The following PSRC1 variants were observed in gnomAD, a reference collection of about 807,000 sequenced individuals.
The protein encoded by PSRC1 is proline and serine rich coiled-coil 1, also known as proline/serine-rich coiled-coil protein 1.
Under a neutral mutation model 31.9 loss-of-function variants are expected in PSRC1, and 30 were observed. The ratio of observed to expected loss-of-function variants is 0.94; its 90% CI spans 0.70 to 1.28. The LOEUF (loss-of-function observed/expected upper bound fraction) is 1.28, where lower values mean the gene tolerates loss of function less well. Ranked by LOEUF, PSRC1 falls within the 50% of genes most tolerant of loss-of-function variation. The pLI is 0.00. For missense variants in PSRC1, 481 were observed against 472.8 expected (o/e 1.02, Z -0.16); for synonymous variants, 191 against 192.1 (o/e 0.99, Z 0.05).
exon 6 of PSRC1, chr1:109,280,425 G>A: frequency 1.2e-6 from 2 of 1,612,924 alleles, no homozygotes; most frequent in African/African-American, 1.3e-5. Flanking sequence ...CCACTTTCCT[G>A]GGGGGCTGCA....
At chr1:109,280,706 C>T in intron 5 of PSRC1, 71 bp downstream of exon 6, 1 of 1,299,936 alleles carries the variant, frequency 7.7e-7, no homozygotes, top group African/African-American at 1.5e-5. Context: ...CAAAAGTGGT[C>T]ACTGTTGACA....
rs147001903 is a variant in PSRC1, at chr1:109,282,520, G to C, written c.75C>G (p.Asp25Glu). ...AAGTGGGATAAAGAGGCTGGTACCT[G>C]TCAGATGGTGACAGCCCCCCAAAGT... Residue 25 changes from aspartate (D) to glutamate (E), a missense_variant and splice_region_variant, in exon 3 of 7, where the codon GAC (aspartate) becomes GAG (glutamate). Physicochemically the swap from Asp to Glu is conservative, Grantham distance 45 (BLOSUM62 2). Transcript: ENST00000409138. 192 of 1,613,388 alleles carry C rather than the reference G, an allele frequency of 1.2e-4. No individual in the cohort carries two copies. Among genetic ancestry groups the C allele is most frequent in the Middle Eastern group, 1.6e-4 (1 of 6,082 alleles).
At chr1:109,279,893 A>G (rs879532908) in exon 7 of PSRC1, 2 of 552,972 alleles carry the variant, frequency 3.6e-6, no homozygotes, top group East Asian at 2.8e-5. Flanking sequence ...CTCATCTTCT[A>G]TTTGTTCATT....
At chr1:109,281,626 A>G in exon 4 of PSRC1, 2 of 1,610,350 alleles carry the variant, frequency 1.2e-6, no homozygotes, top group Non-Finnish European at 1.7e-6. Context: ...CACCCTCTTC[A>G]TGTTGGAGGG....
intron 4 of PSRC1, 71 bp downstream of exon 4, chr1:109,281,548 G>A: frequency 1.5e-6 from 2 of 1,319,364 alleles, no homozygotes; most frequent in Non-Finnish European, 2.1e-6. Context: ...TTACCAATAA[G>A]GAAACCACTC....
chr1:109,281,705 T>C, exon 4 of PSRC1: 1 of 1,613,348 alleles, frequency 6.2e-7, no homozygotes, highest in Non-Finnish European at 8.5e-7. Context: ...AGTCGAGGCG[T>C]CAGGCTGCTT....
chr1:109,280,607 T>C (rs1656906507), intron 5 of PSRC1, 118 bp from the exon 7 acceptor site: 9 of 982,794 alleles, frequency 9.2e-6, no homozygotes, highest in Non-Finnish European at 1.4e-5. Context: ...CATGAGGTAT[T>C]TGAAAACTAA....
At chr1:109,281,186 C>T (rs374475468) in exon 5 of PSRC1, 46 of 1,613,252 alleles carry the variant, frequency 2.9e-5, no homozygotes, top group Middle Eastern at 1.6e-4. Flanking sequence ...CTGGGGGAGT[C>T]GATCGGGTAA....
intron 2 of PSRC1, 49 bp from the exon 3 acceptor site, chr1:109,282,624 T>A (rs764379491): frequency 1.9e-4 from 310 of 1,606,700 alleles, no homozygotes; most frequent in Non-Finnish European, 2.5e-4. Context: ...CTGATGCAGC[T>A]CTCCATCGCT....
At chr1:109,281,748 A>T (rs779714626) in exon 4 of PSRC1, 2 of 1,614,072 alleles carry the variant, frequency 1.2e-6, no homozygotes, top group Non-Finnish European at 8.5e-7. Flanking sequence ...AAGAGTTCAC[A>T]GTGGGCAGCA....
At chr1:109,282,304 C>T in intron 3 of PSRC1, 1 of 614,830 alleles carries the variant, frequency 1.6e-6, no homozygotes, top group Non-Finnish European at 2.9e-6. Context: ...ATCCACTTAT[C>T]CTTCTTCTTA....
chr1:109,281,738 A>G (rs1207467830), exon 4 of PSRC1: 1 of 1,614,008 alleles, frequency 6.2e-7, no homozygotes, highest in Non-Finnish European at 8.5e-7. Context: ...CTCCGCGTCA[A>G]AGAGTTCACA....
exon 5 of PSRC1, chr1:109,280,922 G>A (rs1347103217): frequency 1.9e-6 from 3 of 1,614,052 alleles, no homozygotes; most frequent in Admixed American, 3.3e-5. Flanking sequence ...CAGGCCTGGG[G>A]ATGGCCGAGG....
intron 3 of PSRC1, chr1:109,282,307 T>C: frequency 1.6e-6 from 1 of 615,172 alleles, no homozygotes; most frequent in Non-Finnish European, 2.9e-6. Context: ...CACTTATCCT[T>C]CTTCTTAACA....
At chr1:109,281,095 C>T (rs1279520585) in exon 5 of PSRC1, 2 of 1,613,348 alleles carry the variant, frequency 1.2e-6, no homozygotes, top group African/African-American at 2.7e-5. Context: ...ACAAACTCCC[C>T]ACTCCCACTC....
chr1:109,282,319 C>G, intron 3 of PSRC1, 199 bp downstream of exon 3: 1 of 621,342 alleles, frequency 1.6e-6, no homozygotes, highest in Non-Finnish European at 2.8e-6. Flanking sequence ...TTCTTAACAC[C>G]CTGAAATCTA....
At chr1:109,280,223 A>G in intron 6 of PSRC1, 67 bp from the exon 8 acceptor site, 2 of 1,583,416 alleles carry the variant, frequency 1.3e-6, no homozygotes, top group Non-Finnish European at 1.7e-6. Context: ...GTCACCCAGC[A>G]GAATTCAAGC....
chr1:109,281,621 T>A, exon 4 of PSRC1: 1 of 1,609,316 alleles, frequency 6.2e-7, no homozygotes, highest in Non-Finnish European at 8.5e-7. Context: ...CAACTCACCC[T>A]CTTCATGTTG....
rs774574191 is a variant in PSRC1 at position 109,281,843 on chromosome 1, C to A, written c.295G>T (p.Ala99Ser). ...CGGCGAGGCCCCAGGCCCTCGCCTG[C>A]GCTCTCCCGATCCTGCAGGGCACAC... Residue 99 changes from alanine (A) to serine (S), a missense_variant, in exon 4 of 7, where the codon GCA becomes TCA. Coordinates refer to ENST00000409138, the Ensembl canonical transcript of PSRC1. 1.2e-5 allele frequency: 19 copies of A among 1,613,746 alleles called. No homozygotes were observed. The East Asian group carries it at 1.3e-4, about 11-fold the overall frequency.
Sources: allele counts gnomAD v4.1 joint callset, GRCh38; gene constraint gnomAD v4.1.1; transcripts MANE v1.5; gene names NCBI Gene and HGNC (gene_info 2026-07-23, HGNC 2026-07-21).